Variants in SEC11A observed in about 807,000 individuals in gnomAD.
SEC11A encodes SEC11 homolog A, signal peptidase complex subunit, also known as signal peptidase complex catalytic subunit SEC11A.
In SEC11A, 14 loss-of-function variants were observed where a neutral mutation model predicts 25.6. The ratio of observed to expected loss-of-function variants is 0.55; its 90% CI spans 0.36 to 0.85. The LOEUF is 0.85. Among genes scored for constraint, SEC11A ranks in the 40% least tolerant of loss-of-function variants. SEC11A has a pLI of 0.01. For synonymous variants in SEC11A, 83 were observed against 76.4 expected, an observed-to-expected ratio of 1.09 and a Z score of -0.45; for missense variants, 153 against 222.9, an observed-to-expected ratio of 0.69 and a Z score of 2.00.
rs1897269469 is a variant in SEC11A at position 84,680,941 on chromosome 15, C to G, written c.312-109G>C. On this transcript the variant is annotated intron_variant, in intron 3 of 5. Transcript: ENST00000268220. ...TTTGTGGCACTGGGGTATCTTTTCA[C>G]CATTCTAGTGTCGAAATAATTATTT... The G allele has an allele frequency of 8.0e-6, 7 of 879,238 alleles. No homozygotes were observed. In the South Asian group the frequency reaches 1.4e-4, roughly 17 times the overall value. 54.5% of individuals were successfully genotyped at this position (879,238 alleles called of 1,614,324 possible). A position where few individuals can be genotyped will look rare whatever the true frequency, so the allele number is the denominator to read the frequency against.
At chr15:84,695,668 C>T (rs1419671707) in intron 1 of SEC11A, among the ~76,000 whole-genome samples, 1 of 146,634 alleles carries the variant, frequency 6.8e-6, no homozygotes, top group African/African-American at 2.4e-5. Context: ...ATCCAGCTCT[C>T]TTGTACCATT....
At chr15:84,708,088 G>A (rs1898150950) in intron 1 of SEC11A, among the ~76,000 whole-genome samples, 1 of 150,466 alleles carries the variant, frequency 6.6e-6, no homozygotes, top group Non-Finnish European at 1.5e-5. Flanking sequence ...GCACACGCCT[G>A]TAATCCCAGT....
At position 84,680,744 on chromosome 15, in the gene SEC11A, C is replaced by G; in HGVS notation, c.400G>C (p.Glu134Gln). The G allele has an allele frequency of 1.9e-6, 3 of 1,612,056 alleles. No individual in the cohort carries two copies. The highest frequency in any genetic ancestry group is 2.5e-6 in the Non-Finnish European group (3 of 1,178,778). ...GLYKQGQHWL[E>Q]KKDVVGRARG... The stretch of plus-strand genomic sequence containing the variant: ...GCTCTCCCCACAACATCTTTTTTCT[C>G]TAGCCAATGTTGTCCTTGTTTATAG... Residue 134 changes from glutamate to glutamine, a missense_variant, in exon 4 of 6, where the codon GAG becomes CAG. Coordinates refer to ENST00000268220, the MANE Select transcript of SEC11A (RefSeq NM_014300.4).
intron 2 of SEC11A, among the ~76,000 whole-genome samples, chr15:84,690,603 C>A (rs188070382): frequency 7.6e-6 from 1 of 131,278 alleles, no homozygotes; most frequent in Admixed American, 7.6e-5. Context: ...GGTAACAGAG[C>A]GAGACCCCAT....
chr15:84,680,633 G>T, intron 4 of SEC11A, 80 bp downstream of exon 4: 1 of 1,378,066 alleles, frequency 7.3e-7, no homozygotes, highest in East Asian at 2.3e-5. Flanking sequence ...ATATTCAACT[G>T]TGTATGATCA....
At chr15:84,682,552 G>A (rs1897308308) in intron 3 of SEC11A, among the ~76,000 whole-genome samples, 1 of 151,980 alleles carries the variant, frequency 6.6e-6, no homozygotes, top group South Asian at 2.1e-4. Context: ...GGGTTCAAGC[G>A]ATTCTCCTGC....
chr15:84,706,650 AAACGT>A (rs1231161405), intron 1 of SEC11A, among the ~76,000 whole-genome samples: 2 of 152,212 alleles, frequency 1.3e-5, no homozygotes, highest in Non-Finnish European at 2.9e-5. Context: ...GTTATAACAG[AAACGT>A]AACTTTTGTT....
intron 1 of SEC11A, among the ~76,000 whole-genome samples, chr15:84,697,030 A>T (rs1275515012): frequency 9.5e-6 from 1 of 105,550 alleles, no homozygotes; most frequent in African/African-American, 3.9e-5. Context: ...AAAAAAAAAT[A>T]ACAAAATTTA....
intron 3 of SEC11A, among the ~76,000 whole-genome samples, chr15:84,682,488 G>A (rs776845407): frequency 1.4e-4 from 21 of 151,990 alleles, no homozygotes; most frequent in Non-Finnish European, 2.8e-4. Flanking sequence ...TCACACTGTC[G>A]CCCAGGCTGG....
At chr15:84,707,162 C>T (rs530405432) in intron 1 of SEC11A, among the ~76,000 whole-genome samples, 1 of 149,352 alleles carries the variant, frequency 6.7e-6, no homozygotes, top group Admixed American at 6.7e-5. Context: ...TATCCAGCTT[C>T]TCCTACAATT....
chr15:84,684,353 G>T (rs936261797), intron 3 of SEC11A, among the ~76,000 whole-genome samples: 1 of 152,126 alleles, frequency 6.6e-6, no homozygotes, highest in East Asian at 1.9e-4. Flanking sequence ...AGTCTCATGA[G>T]ATCCAATGGT....
chr15:84,691,347 T>G lies in SEC11A; in HGVS notation c.161+188A>C, dbSNP rs112047245. Among the ~76,000 whole-genome samples, 1,410 of 152,284 alleles carry G rather than the reference T, an allele frequency of 9.3e-3. 23 individuals are homozygous for G. The highest frequency in any genetic ancestry group is 0.033 in the African/African-American group (1,351 of 41,554). On this transcript the variant is annotated intron_variant, in intron 2 of 5. Transcript: ENST00000268220. ...CCTCAGCATCCCAAATTGGTGGGAT[T>G]ACAGGCATAAGCCACCGTGCCCAGC...
chr15:84,703,016 T>C (rs531293257), intron 1 of SEC11A, among the ~76,000 whole-genome samples: 4 of 152,176 alleles, frequency 2.6e-5, no homozygotes, highest in Non-Finnish European at 5.9e-5. Context: ...ACTCAGAAGA[T>C]TTCATGATGA....
At chr15:84,695,866 G>A (rs1001487704) in intron 1 of SEC11A, among the ~76,000 whole-genome samples, 4 of 152,238 alleles carry the variant, frequency 2.6e-5, no homozygotes, top group South Asian at 4.1e-4. Context: ...CAGGAGTCAA[G>A]GTGGAAGAAA....
At chr15:84,699,807 C>T (rs764001419) in intron 1 of SEC11A, among the ~76,000 whole-genome samples, 5 of 151,870 alleles carry the variant, frequency 3.3e-5, no homozygotes, top group Non-Finnish European at 5.9e-5. Flanking sequence ...AAAAAAAGAA[C>T]TGGGAGTTCA....
At chr15:84,694,352 CAA>C (rs888825845) in intron 1 of SEC11A, among the ~76,000 whole-genome samples, 1 of 138,994 alleles carries the variant, frequency 7.2e-6, no homozygotes. Flanking sequence ...AAGACTCTCT[CAA>C]AAAAAAAAAG....
intron 1 of SEC11A, among the ~76,000 whole-genome samples, chr15:84,706,703 G>T (rs1373256358): frequency 6.6e-6 from 1 of 152,202 alleles, no homozygotes; most frequent in Non-Finnish European, 1.5e-5. Flanking sequence ...AAAAACAGGT[G>T]TGTATAGATG....
intron 1 of SEC11A, among the ~76,000 whole-genome samples, chr15:84,707,181 C>CTTTTTT (rs35694643): frequency 3.3e-4 from 30 of 91,658 alleles, no homozygotes; most frequent in Non-Finnish European, 4.1e-4. Flanking sequence ...TTGTGTGAGA[C>CTTTTTT]TTTTTTTTTT....
At chr15:84,684,831 C>T (rs1172373453) in intron 3 of SEC11A, among the ~76,000 whole-genome samples, 1 of 152,098 alleles carries the variant, frequency 6.6e-6, no homozygotes, top group East Asian at 1.9e-4. Flanking sequence ...ACTTGGGAGG[C>T]TGAGGCAGGA....
Sources: gnomAD v4.1 joint callset for allele counts (sites outside exome capture counted in the v4.1 genomes callset) on GRCh38, gnomAD v4.1.1 for gene constraint, MANE v1.5 for transcripts, NCBI Gene and HGNC (gene_info 2026-07-23, HGNC 2026-07-21) for gene names.